Variants in LINC00305 observed in about 807,000 individuals in gnomAD.
LINC00305 encodes the protein long independently transcribed non-coding RNA 305, also known as long intergenic non-protein coding RNA 305.
At chr18:64,120,510 G>T (rs887197920) in intron 1 of LINC00305, among the ~76,000 whole-genome samples, 7 of 151,632 alleles carry the variant, frequency 4.6e-5, no homozygotes, top group Non-Finnish European at 7.4e-5. Flanking sequence ...TAACATATTA[G>T]TCGTCGAAAT....
At chr18:64,121,353 A>G (rs1056704674) in intron 1 of LINC00305, among the ~76,000 whole-genome samples, 1 of 151,738 alleles carries the variant, frequency 6.6e-6, no homozygotes, top group African/African-American at 2.4e-5. Flanking sequence ...CTGTCCCCTT[A>G]CCTTTTTGAG....
intron 1 of LINC00305, among the ~76,000 whole-genome samples, chr18:64,123,220 T>C (rs1032346167): frequency 1.3e-5 from 2 of 152,130 alleles, no homozygotes; most frequent in African/African-American, 2.4e-5. Context: ...CTATGTTGAA[T>C]AGAAGTGGTG....
intron 1 of LINC00305, among the ~76,000 whole-genome samples, chr18:64,145,260 C>A (rs1186578572): frequency 6.6e-6 from 1 of 152,182 alleles, no homozygotes; most frequent in Non-Finnish European, 1.5e-5. Flanking sequence ...GTACTTCTAC[C>A]TACAAATGTA....
chr18:64,084,204 C>G (rs897881616), intron 3 of LINC00305, among the ~76,000 whole-genome samples: 1 of 152,206 alleles, frequency 6.6e-6, no homozygotes, highest in Admixed American at 6.5e-5. Flanking sequence ...TTTCTTGTCT[C>G]TTTTCTCATG....
intron 1 of LINC00305, among the ~76,000 whole-genome samples, chr18:64,143,109 G>A (rs1017129826): frequency 1.3e-5 from 2 of 152,164 alleles, no homozygotes; most frequent in Non-Finnish European, 1.5e-5. Flanking sequence ...AGTGACGTCA[G>A]CATTATGAAA....
chr18:64,111,409 C>T (rs1242300420), intron 1 of LINC00305, among the ~76,000 whole-genome samples: 1 of 152,128 alleles, frequency 6.6e-6, no homozygotes, highest in Non-Finnish European at 1.5e-5. Context: ...GGTTCTCAGC[C>T]AACAATGGGG....
intron 3 of LINC00305, among the ~76,000 whole-genome samples, chr18:64,096,620 A>G (rs917650843): frequency 1.3e-5 from 2 of 151,900 alleles, no homozygotes; most frequent in African/African-American, 4.8e-5. Flanking sequence ...TTTACAGTAT[A>G]CAACAAAGTT....
At chr18:64,089,497 C>T (rs2051216935) in intron 3 of LINC00305, among the ~76,000 whole-genome samples, 1 of 152,186 alleles carries the variant, frequency 6.6e-6, no homozygotes, top group African/African-American at 2.4e-5. Context: ...CTTTCTTCCA[C>T]TGCTCTCTAG....
Position 64,082,323 on chromosome 18 carries a change from C to A in LINC00305, n.541-1921G>T, listed in dbSNP as rs144905803. Reference sequence around the variant, plus strand: ...AGGGACAGAAGACAACAGAGAGAACCCACCAAAAGCCCCAGTGATTTCATC... The same window carrying A: ...AGGGACAGAAGACAACAGAGAGAACACACCAAAAGCCCCAGTGATTTCATC... On this transcript the variant is annotated intron_variant and non_coding_transcript_variant, in intron 3 of 3. Coordinates refer to ENST00000666468, the Ensembl canonical transcript of LINC00305. 1.6e-3 allele frequency among the ~76,000 whole-genome samples: 249 copies of A among 152,048 alleles called. 1 individual carries two copies. Among genetic ancestry groups the A allele is most frequent in the African/African-American group, 5.7e-3 (238 of 41,464 alleles).
chr18:64,097,999 A>G, intron 2 of LINC00305: 1 of 457,858 alleles, frequency 2.2e-6, no homozygotes, highest in South Asian at 1.5e-5. Context: ...ATGGCTACTG[A>G]GATAAGGGAC....
chr18:64,115,791 T>C (rs920778353), intron 1 of LINC00305, among the ~76,000 whole-genome samples: 1 of 152,192 alleles, frequency 6.6e-6, no homozygotes, highest in Non-Finnish European at 1.5e-5. Flanking sequence ...GTTGAAAATC[T>C]CATTAAAAGC....
intron 1 of LINC00305, among the ~76,000 whole-genome samples, chr18:64,114,041 G>A (rs929201507): frequency 4.6e-5 from 7 of 152,156 alleles, no homozygotes; most frequent in Admixed American, 2.0e-4. Context: ...AGACCGAGGC[G>A]GGCGGATCAC....
intron 3 of LINC00305, among the ~76,000 whole-genome samples, chr18:64,082,248 A>G (rs1327423288): frequency 6.6e-6 from 1 of 152,058 alleles, no homozygotes; most frequent in Admixed American, 6.6e-5. Flanking sequence ...ACCAGATGGC[A>G]CCACCTAGAC....
At chr18:64,139,803 A>G (rs2051452777) in intron 1 of LINC00305, among the ~76,000 whole-genome samples, 1 of 152,078 alleles carries the variant, frequency 6.6e-6, no homozygotes, top group Non-Finnish European at 1.5e-5. Context: ...TCCTAGAAAC[A>G]ACTTCCAAGA....
chr18:64,082,222 C>T (rs966727507), intron 3 of LINC00305, among the ~76,000 whole-genome samples: 1 of 151,788 alleles, frequency 6.6e-6, no homozygotes, highest in Non-Finnish European at 1.5e-5. Flanking sequence ...TTTTTCAGAT[C>T]CTGCCATTCT....
At chr18:64,123,934 A>G (rs533485292) in intron 1 of LINC00305, among the ~76,000 whole-genome samples, 72 of 152,054 alleles carry the variant, frequency 4.7e-4, no homozygotes, top group African/African-American at 1.7e-3. Flanking sequence ...GAACCCGCCC[A>G]TCTCTCACCA....
At chr18:64,129,025 A>G (rs766169539) in intron 1 of LINC00305, among the ~76,000 whole-genome samples, 3 of 152,150 alleles carry the variant, frequency 2.0e-5, no homozygotes, top group Non-Finnish European at 4.4e-5. Flanking sequence ...ACTTCAGTGG[A>G]AGATATTGTC....
At chr18:64,114,284 A>C (rs533105151) in intron 1 of LINC00305, among the ~76,000 whole-genome samples, 10 of 152,284 alleles carry the variant, frequency 6.6e-5, no homozygotes, top group African/African-American at 2.4e-4. Context: ...CTAAAGTGCA[A>C]ACTTTCCAAA....
intron 3 of LINC00305, among the ~76,000 whole-genome samples, chr18:64,093,625 T>C (rs7238999): frequency 0.17 from 25,841 of 152,204 alleles, 3,455 homozygotes; most frequent in African/African-American, 0.37. Context: ...TGAGCCACTG[T>C]ACCCAGCCAA....
Sources: gnomAD v4.1 joint callset for allele counts (sites outside exome capture counted in the v4.1 genomes callset) on GRCh38, gnomAD v4.1.1 for gene constraint, MANE v1.5 for transcripts, NCBI Gene and HGNC (gene_info 2026-07-23, HGNC 2026-07-21) for gene names.